Variants in TRPM3 observed in about 807,000 individuals in gnomAD.
The protein encoded by TRPM3 is transient receptor potential cation channel subfamily M member 3.
In TRPM3, 77 loss-of-function variants were observed where a neutral mutation model predicts 181.2. The observed-to-expected ratio is 0.42, with a 90% CI of 0.35 to 0.51. TRPM3 has a LOEUF of 0.51. Among genes scored for constraint, TRPM3 ranks in the 20% least tolerant of loss-of-function variants. The pLI is 0.01. For missense variants in TRPM3, 1,759 were observed against 2,196.7 expected (o/e 0.80, Z 3.98); for synonymous variants, 745 against 796.4 (o/e 0.94, Z 1.09).
chr9:71,210,479 C>A (rs1435024815), intron 1 of TRPM3, among the ~76,000 whole-genome samples: 1 of 152,156 alleles, frequency 6.6e-6, no homozygotes, highest in African/African-American at 2.4e-5. Flanking sequence ...AAAACCGGTC[C>A]CTGGTGCCCA....
At chr9:70,794,134 C>T (rs933742353) in intron 6 of TRPM3, among the ~76,000 whole-genome samples, 4 of 151,912 alleles carry the variant, frequency 2.6e-5, no homozygotes, top group African/African-American at 9.7e-5. Flanking sequence ...CTATTCAGGT[C>T]AATGCTGAGT....
intron 1 of TRPM3, among the ~76,000 whole-genome samples, chr9:71,159,714 TAAC>T (rs1428600855): frequency 6.6e-6 from 1 of 152,226 alleles, no homozygotes; most frequent in East Asian, 1.9e-4. Flanking sequence ...AGAGAACACT[TAAC>T]GACTTGAAAT....
intron 1 of TRPM3, among the ~76,000 whole-genome samples, chr9:71,280,329 A>C (rs997044689): frequency 3.3e-5 from 5 of 152,102 alleles, no homozygotes; most frequent in Non-Finnish European, 7.3e-5. Flanking sequence ...TGATTTTGAA[A>C]TTTTGTTTAA....
At chr9:71,326,192 T>C (rs1244645418) in intron 1 of TRPM3, among the ~76,000 whole-genome samples, 2 of 152,236 alleles carry the variant, frequency 1.3e-5, no homozygotes, top group Non-Finnish European at 2.9e-5. Context: ...GACAGAATGA[T>C]GCTATCTTGT....
chr9:71,337,321 A>G (rs1263991063), intron 1 of TRPM3, among the ~76,000 whole-genome samples: 1 of 152,218 alleles, frequency 6.6e-6, no homozygotes, highest in African/African-American at 2.4e-5. Flanking sequence ...AATGAACATG[A>G]AAAAAGCTCA....
chr9:70,560,626 A>G (rs2048819517), intron 22 of TRPM3, among the ~76,000 whole-genome samples: 1 of 152,232 alleles, frequency 6.6e-6, no homozygotes, highest in South Asian at 2.1e-4. Context: ...GTGAGCTACA[A>G]ATTCCCTTTC....
chr9:71,029,576 AG>A (rs1287244189), intron 1 of TRPM3, among the ~76,000 whole-genome samples: 2 of 152,224 alleles, frequency 1.3e-5, no homozygotes, highest in African/African-American at 4.8e-5. Context: ...GATACAGGAA[AG>A]GAAATACCAT....
intron 21 of TRPM3, among the ~76,000 whole-genome samples, chr9:70,594,366 C>T (rs1047445654): frequency 6.6e-6 from 1 of 152,048 alleles, no homozygotes; most frequent in Admixed American, 6.6e-5. Flanking sequence ...GTTATTGTCC[C>T]TTGATTAGTC....
chr9:70,823,644 T>C (rs1425643429), intron 6 of TRPM3, among the ~76,000 whole-genome samples: 2 of 152,166 alleles, frequency 1.3e-5, no homozygotes, highest in Non-Finnish European at 2.9e-5. Flanking sequence ...TTAAAAACTA[T>C]CGGCCATCAC....
chr9:71,394,290 TA>T (rs1422845355), intron 1 of TRPM3, among the ~76,000 whole-genome samples: 1 of 152,186 alleles, frequency 6.6e-6, no homozygotes, highest in Non-Finnish European at 1.5e-5. Context: ...ATTTTAAATT[TA>T]AAAAACAGGA....
intron 3 of TRPM3, among the ~76,000 whole-genome samples, chr9:70,855,192 T>C (rs761179627): frequency 6.6e-6 from 1 of 152,194 alleles, no homozygotes; most frequent in Non-Finnish European, 1.5e-5. Flanking sequence ...CTGCACTGAT[T>C]TGGCATCACA....
intron 1 of TRPM3, among the ~76,000 whole-genome samples, chr9:71,137,963 A>G (rs577192500): frequency 6.6e-6 from 1 of 152,074 alleles, no homozygotes; most frequent in Non-Finnish European, 1.5e-5. Context: ...AAAATGCAAA[A>G]ATTAGCCAGG....
rs538909005 is a variant in TRPM3, at chr9:70,964,366, C to T, written c.178-99855G>A. On this transcript the variant is annotated intron_variant, in intron 1 of 25. Coordinates refer to ENST00000677713, the MANE Select transcript of TRPM3 (RefSeq NM_001366145.2). ...AATTAACAGAGAGGTAACAGAAGAA[C>T]CAGAGCTTAAAAACTATGAGACATT... is the stretch of plus-strand genomic sequence containing the variant. Among the ~76,000 whole-genome samples the T allele has an allele frequency of 6.6e-5, 10 of 152,076 alleles. 1 individual carries two copies. In the South Asian group the frequency reaches 2.1e-3, roughly 32 times the overall value.
chr9:70,576,519 T>G (rs11142492), intron 22 of TRPM3, among the ~76,000 whole-genome samples: 1 of 151,650 alleles, frequency 6.6e-6, no homozygotes, highest in East Asian at 1.9e-4. Context: ...TTTTTTTTTT[T>G]TTTTTGGTTT....
upstream of TRPM3, among the ~76,000 whole-genome samples, chr9:71,125,633 T>A (rs1276018830): frequency 1.3e-5 from 2 of 152,188 alleles, no homozygotes; most frequent in African/African-American, 4.8e-5. Context: ...TCTTTGCTAT[T>A]GTGAGTAGTG....
intron 6 of TRPM3, among the ~76,000 whole-genome samples, chr9:70,792,999 C>T (rs1237640258): frequency 2.6e-5 from 4 of 151,970 alleles, no homozygotes; most frequent in East Asian, 3.8e-4. Context: ...TAAATGCTGA[C>T]GTTTGAATTT....
chr9:71,096,590 A>ACACTCTCTCTCTCTCTCTCTCTCT (rs1452142664), intron 1 of TRPM3, among the ~76,000 whole-genome samples: 1 of 90,044 alleles, frequency 1.1e-5, no homozygotes, highest in African/African-American at 5.1e-5. Flanking sequence ...ACACACACAC[A>ACACTCTCTCTCTCTCTCTCTCTCT]CTCTCTCTCT....
chr9:70,781,888 T>C (rs917121387), intron 7 of TRPM3, among the ~76,000 whole-genome samples: 4 of 152,068 alleles, frequency 2.6e-5, no homozygotes. Flanking sequence ...CAATCCAAGA[T>C]CATGATAAAT....
At position 71,095,758 on chromosome 9, in the gene TRPM3, C is replaced by CAAAA. The variant is rs34934062; in HGVS notation, c.177+25416_177+25419dup. On this transcript the variant is annotated intron_variant, in intron 1 of 25. Coordinates refer to ENST00000677713, the MANE Select transcript of TRPM3 (RefSeq NM_001366145.2). ...TGGGCAGCAGAATGAGACTCTGTGT[C>CAAAA]AAAAAAAAAAAAAAAAAAAAGAAAG... Among the ~76,000 whole-genome samples, 162 of 84,408 alleles carry CAAAA rather than the reference C, an allele frequency of 1.9e-3. 2 individuals carry two copies. Among genetic ancestry groups the CAAAA allele is most frequent in the African/African-American group, 6.2e-3 (142 of 23,010 alleles). The allele number at this position is 84,408 out of a possible 152,430, so 55.4% of individuals were successfully genotyped here.
Sources: allele counts gnomAD v4.1 joint callset (sites outside exome capture counted in the v4.1 genomes callset), GRCh38; gene constraint gnomAD v4.1.1; transcripts MANE v1.5; gene names NCBI Gene and HGNC (gene_info 2026-07-23, HGNC 2026-07-21).